ASIP: variants seen among roughly 807,000 people sequenced by gnomAD.
ASIP encodes the protein agouti signaling protein, also known as agouti-signaling protein.
In ASIP, 11 loss-of-function variants were observed where a neutral mutation model predicts 10.3. The observed-to-expected ratio is 1.07, with a 90% CI of 0.68 to 1.78. ASIP has a LOEUF of 1.78. Among genes scored for constraint, ASIP ranks in the 40% most tolerant of loss-of-function variants. The probability of loss-of-function intolerance (pLI) is 0.00; values close to 1 mark genes in which losing one functional copy is unlikely to be tolerated. For missense variants in ASIP, 180 were observed against 169.2 expected (o/e 1.06, Z -0.35); for synonymous variants, 70 against 70.8 (o/e 0.99, Z 0.06).
intron 1 of ASIP, among the ~76,000 whole-genome samples, chr20:34,258,730 T>C: frequency 1.4e-5 from 1 of 73,572 alleles, no homozygotes; most frequent in Admixed American, 2.1e-4. Flanking sequence ...ATAAAATATA[T>C]ATAGTATATA....
chr20:34,240,298 T>A (rs2035267488), upstream of ASIP, among the ~76,000 whole-genome samples: 1 of 152,174 alleles, frequency 6.6e-6, no homozygotes, highest in South Asian at 2.1e-4. Context: ...GCTGGGCTTG[T>A]GAAAAATTTA....
chr20:34,254,301 G>C (rs2035533256), intron 1 of ASIP, among the ~76,000 whole-genome samples: 1 of 152,216 alleles, frequency 6.6e-6, no homozygotes, highest in Non-Finnish European at 1.5e-5. Flanking sequence ...GACCTCAGGT[G>C]ATCCACCTGC....
chr20:34,253,435 AT>A (rs1289912985), intron 1 of ASIP, among the ~76,000 whole-genome samples: 4 of 122,710 alleles, frequency 3.3e-5, no homozygotes, highest in African/African-American at 2.2e-4. Flanking sequence ...CTACGCTCTT[AT>A]TTTTATTTTA....
At chr20:34,206,167 T>C (rs1376613159) in intron 1 of ASIP, among the ~76,000 whole-genome samples, 2 of 152,076 alleles carry the variant, frequency 1.3e-5, no homozygotes, top group African/African-American at 2.4e-5. Context: ...TAATTTTTTT[T>C]TGTATTTTTA....
intron 1 of ASIP, among the ~76,000 whole-genome samples, chr20:34,212,541 T>C (rs2122550415): frequency 6.6e-6 from 1 of 152,328 alleles, no homozygotes; most frequent in African/African-American, 2.4e-5. Context: ...TTAATATTGA[T>C]GCAATACATT....
Position 34,258,674 on chromosome 20 carries a change from C to CATAT in ASIP, c.-10-1677_-10-1674dup, listed in dbSNP as rs772655085. Reference sequence around the variant, plus strand: ...AGTTAATATCTTAGAAGGGGGATGCCATATATATATATATATACATACTAT... The same window carrying CATAT: ...AGTTAATATCTTAGAAGGGGGATGCCATATATATATATATATATATACATACTAT... On this transcript the variant is annotated intron_variant, in intron 1 of 3. Coordinates refer to ENST00000374954, the MANE Select transcript of ASIP (RefSeq NM_001672.3). Among the ~76,000 whole-genome samples the CATAT allele has an allele frequency of 1.7e-3, 21 of 12,154 alleles. 5 individuals are homozygous for CATAT. The East Asian group carries it at 0.061, about 35-fold the overall frequency. 8.0% of individuals were successfully genotyped at this position (12,154 alleles called of 152,430 possible). A position where few individuals can be genotyped will look rare whatever the true frequency, so the allele number is the denominator to read the frequency against.
rs1480675205 is a variant in ASIP at position 34,215,940 on chromosome 20, T to C, written c.-11+21180T>C. On this transcript the variant is annotated intron_variant, in intron 1 of 3. Coordinates refer to the ASIP transcript ENST00000568305. ...TTCTGGTTATAATAGGCTTGCCCTC[T>C]GATCCCACAGAAGAATTTATAAACA... is the stretch of plus-strand genomic sequence containing the variant. 1.0e-5 allele frequency: 8 copies of C among 787,150 alleles called. No individual in the cohort carries two copies. In the East Asian group the frequency reaches 1.9e-4, roughly 19 times the overall value. 48.8% of individuals were successfully genotyped at this position (787,150 alleles called of 1,614,324 possible). A position where few individuals can be genotyped will look rare whatever the true frequency, so the allele number is the denominator to read the frequency against.
intron 1 of ASIP, among the ~76,000 whole-genome samples, chr20:34,236,266 G>A (rs578013524): frequency 1.2e-4 from 18 of 152,294 alleles, no homozygotes; most frequent in East Asian, 7.7e-4. Flanking sequence ...ATGGCTGGGC[G>A]CAGTGGCTCA....
chr20:34,245,852 A>G (rs761641887), intron 1 of ASIP: 71 of 793,720 alleles, frequency 8.9e-5, no homozygotes, highest in Non-Finnish European at 1.1e-4. Flanking sequence ...ATATATATAT[A>G]TTCTACAGTA....
At chr20:34,189,638 A>C (rs140292047), upstream of ASIP, among the ~76,000 whole-genome samples, 170 of 152,334 alleles carry the variant, frequency 1.1e-3, no homozygotes, top group African/African-American at 3.8e-3. Flanking sequence ...ACAATAACAC[A>C]TTATAACACA....
chr20:34,269,164 C>T lies in ASIP; in HGVS notation c.396C>T (p.Cys132=). 6.6e-7 allele frequency: 1 copy of T among 1,525,312 alleles called. No individual in the cohort carries two copies. The highest frequency in any genetic ancestry group is 8.8e-7 in the Non-Finnish European group (1 of 1,134,942). The allele number at this position is 1,525,312 out of a possible 1,614,324, so 94.5% of individuals were successfully genotyped here. The part of the protein sequence containing the change: ...ACSCRVLSLN[C] ...CCTGCCGCGTGCTCAGCCTCAACTG[C>T]TGAGCGCCCCCACTCCCGGCCGCGA... The change falls in exon 4 of 4, where the codon TGC becomes TGT. Residue 132 remains cysteine, a synonymous_variant. Transcript: ENST00000374954.
At chr20:34,191,712 T>G (rs1261948137), upstream of ASIP, among the ~76,000 whole-genome samples, 4 of 150,728 alleles carry the variant, frequency 2.7e-5, no homozygotes, top group Non-Finnish European at 4.4e-5. Flanking sequence ...TTTCTTTCCT[T>G]CCTTCCTCTC....
chr20:34,226,459 T>C (rs1387137623), intron 1 of ASIP, among the ~76,000 whole-genome samples: 3 of 152,118 alleles, frequency 2.0e-5, no homozygotes, highest in Admixed American at 1.3e-4. Context: ...TTCAAGCGAT[T>C]CTCCTGCCTC....
intron 1 of ASIP, among the ~76,000 whole-genome samples, chr20:34,241,978 T>C (rs1294865465): frequency 6.6e-6 from 1 of 152,180 alleles, no homozygotes; most frequent in Non-Finnish European, 1.5e-5. Flanking sequence ...AGACTCTCCT[T>C]TTCCTTTGTA....
At chr20:34,206,618 A>G (rs1275056844) in intron 1 of ASIP, among the ~76,000 whole-genome samples, 5 of 152,120 alleles carry the variant, frequency 3.3e-5, no homozygotes, top group African/African-American at 1.2e-4. Context: ...TCGCTCTGTC[A>G]CCTAGGCTGG....
chr20:34,202,116 C>T (rs2034903829), intron 1 of ASIP, among the ~76,000 whole-genome samples: 1 of 151,228 alleles, frequency 6.6e-6, no homozygotes, highest in Admixed American at 6.6e-5. Flanking sequence ...TTTTAAAATC[C>T]CTTATAACAA....
At chr20:34,197,711 T>C (rs1183037645) in intron 1 of ASIP, among the ~76,000 whole-genome samples, 2 of 152,056 alleles carry the variant, frequency 1.3e-5, no homozygotes, top group Non-Finnish European at 2.9e-5. Context: ...GAGAAAAACT[T>C]GCTGGCTCCT....
At chr20:34,201,299 C>T (rs370492538) in intron 1 of ASIP, among the ~76,000 whole-genome samples, 1 of 152,066 alleles carries the variant, frequency 6.6e-6, no homozygotes, top group Admixed American at 6.6e-5. Context: ...CTTGCCTGAT[C>T]TAAACTCAAT....
chr20:34,263,671 T>C (rs1377228164), intron 3 of ASIP, among the ~76,000 whole-genome samples: 1 of 151,474 alleles, frequency 6.6e-6, no homozygotes, highest in Admixed American at 6.6e-5. Flanking sequence ...CTTTTTTTTT[T>C]TTTCTTTTTT....
Sources: allele counts gnomAD v4.1 joint callset (sites outside exome capture counted in the v4.1 genomes callset), GRCh38; gene constraint gnomAD v4.1.1; transcripts MANE v1.5; gene names NCBI Gene and HGNC (gene_info 2026-07-23, HGNC 2026-07-21).